Variants in CSF1R observed in about 807,000 individuals in gnomAD.
The protein encoded by CSF1R is macrophage colony-stimulating factor 1 receptor.
CSF1R carries 40 observed loss-of-function variants against 110.0 expected under a neutral mutation model. The observed-to-expected ratio is 0.36, with a 90% CI of 0.28 to 0.47. The LOEUF (loss-of-function observed/expected upper bound fraction) is 0.47. CSF1R is among the 20% of genes least tolerant of loss of function. The pLI, the probability that CSF1R is intolerant of heterozygous loss-of-function variation, is 0.99. For missense variants in CSF1R, 1,052 were observed against 1,253.0 expected, an observed-to-expected ratio of 0.84 and a Z score of 2.42; for synonymous variants, 523 against 503.4, an observed-to-expected ratio of 1.04 and a Z score of -0.52.
At chr5:150,055,140 A>G (rs1757145208) in intron 19 of CSF1R, 97 bp downstream of exon 19, 1 of 1,115,034 alleles carries the variant, frequency 9.0e-7, no homozygotes, top group East Asian at 2.4e-5. Context: ...ACCCTGGAAC[A>G]TTTTGGACAG....
chr5:150,091,832 T>C (rs545100005), intron 1 of CSF1R, among the ~76,000 whole-genome samples: 29 of 125,138 alleles, frequency 2.3e-4, no homozygotes, highest in Admixed American at 4.6e-4. Flanking sequence ...GAGAATTCAT[T>C]GCCAGCAGAC....
In CSF1R at chr5:150,073,480, C is replaced by G; in HGVS notation, c.903G>C (p.Leu301Phe). ...TGAGGTTCTGCTCAGAGCTCAAGTT[C>G]AAGTAGGCACTCTCTGGAAAGCAGA... is the stretch of plus-strand genomic sequence containing the variant. ...MFFRVVESAY[L>F]NLSSEQNLIQ... Residue 301 changes from leucine (L) to phenylalanine (F), a missense_variant, in exon 6 of 21, where the codon TTG becomes TTC. Leu to Phe is a conservative substitution (Grantham distance 22, BLOSUM62 0). Coordinates refer to ENST00000675795, the MANE Select transcript of CSF1R (RefSeq NM_001288705.3). The G allele has an allele frequency of 6.2e-7, 1 of 1,613,236 alleles. No individual in the cohort carries two copies. The highest frequency in any genetic ancestry group is 8.5e-7 in the Non-Finnish European group (1 of 1,179,394).
In CSF1R at chr5:150,053,982, A is replaced by G; in HGVS notation, c.*87T>C. The G allele has an allele frequency of 3.0e-6, 4 of 1,342,032 alleles. No homozygotes were observed. Among genetic ancestry groups the G allele is most frequent in the Non-Finnish European group, 4.2e-6 (4 of 956,990 alleles). 83.1% of individuals were successfully genotyped at this position (1,342,032 alleles called of 1,614,324 possible). A position where few individuals can be genotyped will look rare whatever the true frequency, so the allele number is the denominator to read the frequency against. Reference sequence around the variant, plus strand: ...TGTTGAGTGAAATGACCGAAGGCAGAGTTTGTATGTTCTCCCCGTGTCGCC... The same window carrying G: ...TGTTGAGTGAAATGACCGAAGGCAGGGTTTGTATGTTCTCCCCGTGTCGCC... On this transcript the variant is annotated 3_prime_UTR_variant, in exon 21 of 21. Coordinates refer to ENST00000675795, the MANE Select transcript of CSF1R (RefSeq NM_001288705.3).
rs1021348545 is a variant in CSF1R, at chr5:150,057,228, C to G, written c.2319+59G>C. The G allele has an allele frequency of 1.0e-5, 15 of 1,488,146 alleles. No homozygotes were observed. In the African/African-American group the frequency reaches 1.1e-4, roughly 11 times the overall value. 92.2% of individuals were successfully genotyped at this position (1,488,146 alleles called of 1,614,324 possible). ...TTTCCTCCTCCCCATCGTCACTCAT[C>G]CAGCCTCCCCGGAGCACAGACCTGG... On this transcript the variant is annotated intron_variant, in intron 16 of 20. Coordinates refer to ENST00000675795, the MANE Select transcript of CSF1R (RefSeq NM_001288705.3).
upstream of CSF1R, among the ~76,000 whole-genome samples, chr5:150,090,540 G>A (rs1759006135): frequency 6.6e-6 from 1 of 152,068 alleles, no homozygotes; most frequent in African/African-American, 2.4e-5. Context: ...ACAGGATAAT[G>A]TCATATAAAT....
chr5:150,089,180 G>A (rs760435565), upstream of CSF1R, among the ~76,000 whole-genome samples: 1 of 152,282 alleles, frequency 6.6e-6, no homozygotes, highest in Non-Finnish European at 1.5e-5. Flanking sequence ...GCCTGTTCTC[G>A]CCACTTCTGT....
Position 150,056,302 on chromosome 5 carries a change from T to C in CSF1R, c.2359A>G (p.Thr787Ala). 1.2e-6 allele frequency: 2 copies of C among 1,614,072 alleles called. No homozygotes were observed. Among genetic ancestry groups the C allele is most frequent in the South Asian group, 2.2e-5 (2 of 91,066 alleles). Reference protein sequence around the residue: ...RDVAARNVLLTNGHVAKIGDF... With the variant: ...RDVAARNVLLANGHVAKIGDF... ...CCAATCTTGGCCACATGACCATTGG[T>C]CAACAGCACGTTACGCGCTGCCACG... The change falls in exon 17 of 21, where the codon ACC becomes GCC. Residue 787 changes from threonine (T) to alanine (A), a missense_variant. This residue lies in a region of CSF1R where 74 missense variants were observed against 187.4 expected (regional missense o/e 0.39). Coordinates refer to ENST00000675795, the MANE Select transcript of CSF1R (RefSeq NM_001288705.3).
At chr5:150,064,155 C>T (rs1757653215) in intron 10 of CSF1R, among the ~76,000 whole-genome samples, 1 of 152,150 alleles carries the variant, frequency 6.6e-6, no homozygotes, top group South Asian at 2.1e-4. Context: ...GCTACTAGAG[C>T]AGGGAGGGTG....
intron 1 of CSF1R, among the ~76,000 whole-genome samples, chr5:150,104,085 G>C (rs1366298221): frequency 6.6e-6 from 1 of 152,168 alleles, no homozygotes; most frequent in African/African-American, 2.4e-5. Context: ...GCTCCCTCTG[G>C]CTGAGGCCAC....
chr5:150,076,901 A>G, intron 5 of CSF1R: 1 of 314,808 alleles, frequency 3.2e-6, no homozygotes. Context: ...TTCCCAGGAC[A>G]CCTTGTGCTT....
intron 5 of CSF1R, 59 bp downstream of exon 5, chr5:150,077,217 C>T: frequency 6.2e-7 from 1 of 1,607,220 alleles, no homozygotes; most frequent in Non-Finnish European, 8.5e-7. Context: ...CCTCAAAACC[C>T]TTCTGCTCAC....
chr5:150,094,535 T>C lies in CSF1R; in HGVS notation c.-180-7928A>G, dbSNP rs568438230. 10 of 1,599,042 alleles carry C rather than the reference T, an allele frequency of 6.3e-6. No homozygotes were observed. In the African/African-American group the frequency reaches 1.2e-4, roughly 19 times the overall value. On this transcript the variant is annotated intron_variant, in intron 1 of 21. Transcript: ENST00000286301. Reference sequence around the variant, plus strand: ...GAATGGCGAGGATGGCAAGAAAAGCTGGCAACTTCTATGTACCTGCAGAAC... The same window carrying C: ...GAATGGCGAGGATGGCAAGAAAAGCCGGCAACTTCTATGTACCTGCAGAAC...
rs1427886980 is a variant in CSF1R at position 150,060,848 on chromosome 5, C to T, written c.1969+14G>A. ...GCCCCAAGACCTTGGCCCCAGGAAC[C>T]CCAAGGCCCTTACCTCCATGGGTAC... On this transcript the variant is annotated intron_variant, in intron 13 of 20. Transcript: ENST00000675795. 6.3e-7 allele frequency: 1 copy of T among 1,583,362 alleles called. No homozygotes were observed. The highest frequency in any genetic ancestry group is 8.6e-7 in the Non-Finnish European group (1 of 1,159,690).
chr5:150,086,326 G>T, intron 1 of CSF1R, 53 bp downstream of exon 1: 1 of 1,540,078 alleles, frequency 6.5e-7, no homozygotes, highest in Non-Finnish European at 8.8e-7. Flanking sequence ...CTTTCACAGG[G>T]GTCTTCTCCA....
At chr5:150,057,219 G>A (rs901739942) in intron 16 of CSF1R, 68 bp downstream of exon 16, 96 of 1,391,228 alleles carry the variant, frequency 6.9e-5, no homozygotes, top group Middle Eastern at 2.5e-4. Flanking sequence ...CCTCCCCATC[G>A]TCACTCATCC....
At chr5:150,055,964 AC>A in intron 18 of CSF1R, 61 bp downstream of exon 18, 1 of 1,486,028 alleles carries the variant, frequency 6.7e-7, no homozygotes, top group Non-Finnish European at 9.3e-7. Context: ...AGCTTTGTCC[AC>A]CAGTGGGGCA....
At chr5:150,106,157 G>T (rs182517758) in intron 1 of CSF1R, among the ~76,000 whole-genome samples, 1 of 152,356 alleles carries the variant, frequency 6.6e-6, no homozygotes, top group East Asian at 1.9e-4. Flanking sequence ...ACTCAGTGGG[G>T]TAAGCCCTGA....
intron 13 of CSF1R, 35 bp from the exon 14 acceptor site, chr5:150,059,897 C>T (rs750407601): frequency 1.3e-6 from 2 of 1,584,530 alleles, no homozygotes; most frequent in Non-Finnish European, 1.7e-6. Flanking sequence ...GAGGGAGGTG[C>T]TGAGTGCTCC....
At chr5:150,110,316 C>A (rs1025130687) in intron 1 of CSF1R, among the ~76,000 whole-genome samples, 13 of 152,240 alleles carry the variant, frequency 8.5e-5, no homozygotes, top group Admixed American at 8.5e-4. Flanking sequence ...TCTTCCCCTC[C>A]CCTGTCAAGG....
Sources: gnomAD v4.1 joint callset for allele counts (sites outside exome capture counted in the v4.1 genomes callset) on GRCh38, gnomAD v4.1.1 for gene constraint, gnomAD v4.1.1 regional missense constraint, MANE v1.5 for transcripts, NCBI Gene and HGNC (gene_info 2026-07-23, HGNC 2026-07-21) for gene names.